The following DYNC2I1 variants were observed in gnomAD, a reference collection of about 807,000 sequenced individuals.
The protein encoded by DYNC2I1 is dynein 2 intermediate chain 1.
A neutral mutation model predicts 133.4 loss-of-function variants in DYNC2I1; 89 were observed. That is an observed-to-expected ratio of 0.67 (90% CI 0.56 to 0.80). The LOEUF is 0.80. DYNC2I1 is among the 30% of genes least tolerant of loss of function. The probability of loss-of-function intolerance (pLI) is 0.00; values close to 1 mark genes in which losing one functional copy is unlikely to be tolerated. For synonymous variants in DYNC2I1, 504 were observed against 484.3 expected (o/e 1.04, Z -0.54); for missense variants, 1,291 against 1,314.5 (o/e 0.98, Z 0.28).
chr7:158,878,648 CTGAG>C (rs1843643423), intron 4 of DYNC2I1, among the ~76,000 whole-genome samples: 1 of 52,198 alleles, frequency 1.9e-5, no homozygotes, highest in African/African-American at 7.8e-5. Flanking sequence ...AGGGCCGACT[CTGAG>C]TGCCAGGTGC....
At chr7:158,943,391 A>G (rs948047078) in intron 24 of DYNC2I1, among the ~76,000 whole-genome samples, 1 of 152,170 alleles carries the variant, frequency 6.6e-6, no homozygotes, top group Admixed American at 6.5e-5. Context: ...TGGGCAAGAA[A>G]GACAATGAGC....
chr7:158,895,970 CTG>C (rs1845722075), intron 8 of DYNC2I1, among the ~76,000 whole-genome samples: 1 of 152,190 alleles, frequency 6.6e-6, no homozygotes, highest in African/African-American at 2.4e-5. Context: ...TATACTCACT[CTG>C]TGTTCTGTGA....
chr7:158,867,054 G>A (rs1295688210), intron 1 of DYNC2I1, among the ~76,000 whole-genome samples: 4 of 121,570 alleles, frequency 3.3e-5, no homozygotes, highest in Admixed American at 2.5e-4. Context: ...ACCCCCAAAT[G>A]CTTCCTTTAT....
chr7:158,944,421 C>T (rs919395967), intron 24 of DYNC2I1, among the ~76,000 whole-genome samples: 2 of 152,136 alleles, frequency 1.3e-5, no homozygotes, highest in African/African-American at 2.4e-5. Context: ...TTTATTTGCC[C>T]GGTGTCAGGG....
chr7:158,851,790 A>G (rs935104254), upstream of DYNC2I1, among the ~76,000 whole-genome samples: 3 of 152,224 alleles, frequency 2.0e-5, no homozygotes, highest in African/African-American at 7.2e-5. Context: ...AGATTGAATC[A>G]TGAATCATCT....
chr7:158,917,077 T>C (rs1202438636), intron 14 of DYNC2I1, among the ~76,000 whole-genome samples: 3 of 80,604 alleles, frequency 3.7e-5, no homozygotes, highest in Non-Finnish European at 2.8e-5. Flanking sequence ...TTAAGGATGA[T>C]TGTGAAACGT....
At position 158,901,811 on chromosome 7, in the gene DYNC2I1, T is replaced by A. The variant is rs755843987; in HGVS notation, c.1132T>A (p.Phe378Ile). The A allele has an allele frequency of 1.8e-5, 28 of 1,567,352 alleles. No homozygotes were observed. In the South Asian group the frequency reaches 3.2e-4, roughly 18 times the overall value. The change falls in exon 9 of 25, where the codon TTT becomes ATT. Residue 378 changes from phenylalanine to isoleucine, a missense_variant. Phe to Ile is a conservative substitution (Grantham distance 21). Coordinates refer to ENST00000407559, the MANE Select transcript of DYNC2I1 (RefSeq NM_018051.5). Reference protein sequence around the residue: ...DAYTASCEDDFEDYEDDFEVC... With the variant: ...DAYTASCEDDIEDYEDDFEVC... ...ATATACAGCCAGTTGTGAAGATGATTTTGAAGTATGTATAAAAGTTAAAAC... is the reference window on the plus strand; with the variant it reads ...ATATACAGCCAGTTGTGAAGATGATATTGAAGTATGTATAAAAGTTAAAAC...
chr7:158,922,696 G>A (rs1849223681), intron 16 of DYNC2I1, 147 bp downstream of exon 16: 4 of 778,456 alleles, frequency 5.1e-6, no homozygotes, highest in Non-Finnish European at 8.0e-6. Flanking sequence ...TCTCACAGCT[G>A]GCCTCAGCTG....
Position 158,882,875 on chromosome 7 carries a change from C to CAAA in DYNC2I1, c.880-1675_880-1673dup, listed in dbSNP as rs71200076. On this transcript the variant is annotated intron_variant, in intron 5 of 24. Coordinates refer to ENST00000407559, the MANE Select transcript of DYNC2I1 (RefSeq NM_018051.5). ...TGGAGGACAGAGTGAGCCTTTGTCT[C>CAAA]AAAAAAAAAAAAAAAAGGAAAAGAA... 3.3e-3 allele frequency among the ~76,000 whole-genome samples: 358 copies of CAAA among 108,536 alleles called. 7 individuals carry two copies. Among genetic ancestry groups the CAAA allele is most frequent in the African/African-American group, 0.01 (313 of 30,338 alleles). The allele number at this position is 108,536 out of a possible 152,430, so 71.2% of individuals were successfully genotyped here.
intron 4 of DYNC2I1, among the ~76,000 whole-genome samples, chr7:158,877,885 C>G (rs1053606686): frequency 2.0e-5 from 3 of 152,348 alleles, no homozygotes; most frequent in African/African-American, 7.2e-5. Context: ...CTGTCATACT[C>G]ACCGGAGAAG....
intron 4 of DYNC2I1, among the ~76,000 whole-genome samples, chr7:158,954,466 A>G (rs1029293228): frequency 6.6e-6 from 1 of 152,166 alleles, no homozygotes; most frequent in African/African-American, 2.4e-5. Context: ...TGGGAAACAT[A>G]GAGAAACCCC....
intron 7 of DYNC2I1, 99 bp from the exon 8 acceptor site, chr7:158,891,166 T>C: frequency 1.5e-6 from 2 of 1,320,022 alleles, no homozygotes; most frequent in South Asian, 2.4e-5. Context: ...TGCTGAGGGC[T>C]GGCGGGCTCC....
chr7:158,889,036 T>TACACACACAC (rs71200077), intron 7 of DYNC2I1, among the ~76,000 whole-genome samples: 3,019 of 141,264 alleles, frequency 0.021, 35 homozygotes, highest in Admixed American at 0.044. Context: ...TTTAAACATT[T>TACACACACAC]ACACACACAC....
chr7:158,883,213 T>A (rs983702708), intron 5 of DYNC2I1, among the ~76,000 whole-genome samples: 1 of 149,378 alleles, frequency 6.7e-6, no homozygotes, highest in African/African-American at 2.5e-5. Flanking sequence ...ATATTTTTTC[T>A]TCTTCTTTTT....
chr7:158,891,706 A>G (rs1845238356), intron 8 of DYNC2I1, among the ~76,000 whole-genome samples: 1 of 152,224 alleles, frequency 6.6e-6, no homozygotes, highest in African/African-American at 2.4e-5. Context: ...TAAGTTGAAG[A>G]AAGTGAGGAG....
At chr7:158,948,302 G>C (rs1271682874), downstream of DYNC2I1, among the ~76,000 whole-genome samples, 1 of 152,214 alleles carries the variant, frequency 6.6e-6, no homozygotes, top group African/African-American at 2.4e-5. Flanking sequence ...AGCCCACCCT[G>C]GTGCCTTGCT....
chr7:158,938,024 G>A (rs764373664), intron 23 of DYNC2I1, among the ~76,000 whole-genome samples: 3 of 152,114 alleles, frequency 2.0e-5, no homozygotes, highest in Non-Finnish European at 4.4e-5. Context: ...TATTCAAGAG[G>A]GAGCTAACAA....
intron 12 of DYNC2I1, 61 bp downstream of exon 12, chr7:158,911,740 T>C (rs1847501026): frequency 6.6e-7 from 1 of 1,523,056 alleles, no homozygotes; most frequent in Non-Finnish European, 8.9e-7. Context: ...AGGATAACTT[T>C]GTGTCTTCCT....
chr7:158,926,650 C>T (rs908217273), intron 19 of DYNC2I1, among the ~76,000 whole-genome samples, 187 bp downstream of exon 19: 8 of 152,142 alleles, frequency 5.3e-5, no homozygotes, highest in African/African-American at 1.4e-4. Flanking sequence ...GGGGCCCTTT[C>T]GTGACAGTGA....
Sources: allele counts gnomAD v4.1 joint callset (sites outside exome capture counted in the v4.1 genomes callset), GRCh38; gene constraint gnomAD v4.1.1; transcripts MANE v1.5; gene names NCBI Gene and HGNC (gene_info 2026-07-23, HGNC 2026-07-21).